The following PLCB1 variants were observed in gnomAD, a reference collection of about 807,000 sequenced individuals.
PLCB1 encodes the protein phospholipase C beta 1, also known as 1-phosphatidylinositol 4,5-bisphosphate phosphodiesterase beta-1.
PLCB1 carries 46 observed loss-of-function variants against 161.8 expected under a neutral mutation model. The observed-to-expected ratio is 0.28, with a 90% CI of 0.22 to 0.36. The LOEUF (loss-of-function observed/expected upper bound fraction) is 0.36. PLCB1 is among the 10% of genes least tolerant of loss of function. The pLI, the probability that PLCB1 is intolerant of heterozygous loss-of-function variation, is 1.00. For synonymous variants in PLCB1, 517 were observed against 503.7 expected (o/e 1.03, Z -0.35); for missense variants, 1,016 against 1,472.5 (o/e 0.69, Z 5.07).
intron 2 of PLCB1, among the ~76,000 whole-genome samples, chr20:8,330,425 C>T (rs1455496039): frequency 6.6e-6 from 1 of 152,172 alleles, no homozygotes; most frequent in Non-Finnish European, 1.5e-5. Context: ...CGTAGAAGAG[C>T]CATGCTGCAT....
intron 3 of PLCB1, among the ~76,000 whole-genome samples, chr20:8,578,539 A>C (rs2123071482): frequency 6.6e-6 from 1 of 152,368 alleles, no homozygotes; most frequent in Non-Finnish European, 1.5e-5. Context: ...AAGAGTAAAC[A>C]TATTAAAGAT....
At chr20:8,652,813 C>T (rs549294531) in intron 7 of PLCB1, 1 of 152,128 alleles carries the variant, frequency 6.6e-6, no homozygotes, top group East Asian at 1.9e-4. Context: ...ATAACATATT[C>T]CTTTAGAAGA....
At chr20:8,852,751 G>C (rs1986932387) in intron 31 of PLCB1, among the ~76,000 whole-genome samples, 1 of 152,176 alleles carries the variant, frequency 6.6e-6, no homozygotes, top group Non-Finnish European at 1.5e-5. Context: ...TTCCCGGTTT[G>C]TAATGTTTAT....
intron 3 of PLCB1, among the ~76,000 whole-genome samples, chr20:8,512,274 T>A (rs1173063031): frequency 6.6e-6 from 1 of 152,190 alleles, no homozygotes; most frequent in East Asian, 1.9e-4. Context: ...TAAACAAGCT[T>A]TAAATAAGGC....
chr20:8,256,243 C>T (rs563868215), intron 2 of PLCB1, among the ~76,000 whole-genome samples: 118 of 152,210 alleles, frequency 7.8e-4, no homozygotes, highest in African/African-American at 2.7e-3. Flanking sequence ...CAACAACAAC[C>T]ATTTACTTAG....
chr20:8,547,162 C>A (rs1000020286), intron 3 of PLCB1, among the ~76,000 whole-genome samples: 10 of 141,230 alleles, frequency 7.1e-5, no homozygotes, highest in South Asian at 2.2e-4. Flanking sequence ...ATAAAGCCAG[C>A]TCATTGTTTC....
chr20:8,213,185 C>T (rs1978925416), intron 2 of PLCB1, among the ~76,000 whole-genome samples: 1 of 152,114 alleles, frequency 6.6e-6, no homozygotes, highest in Non-Finnish European at 1.5e-5. Flanking sequence ...TAAACAAGAG[C>T]ATTATGTTTC....
intron 12 of PLCB1, among the ~76,000 whole-genome samples, chr20:8,715,241 A>G (rs186166331): frequency 2.0e-5 from 3 of 152,218 alleles, no homozygotes; most frequent in Non-Finnish European, 4.4e-5. Context: ...GAGAAAAAAA[A>G]TTATTGCTTT....
intron 2 of PLCB1, among the ~76,000 whole-genome samples, chr20:8,226,160 C>T (rs1435849919): frequency 6.6e-6 from 1 of 152,062 alleles, no homozygotes; most frequent in African/African-American, 2.4e-5. Context: ...ATTCTCACAC[C>T]CCTGTTGATG....
intron 3 of PLCB1, among the ~76,000 whole-genome samples, chr20:8,492,295 A>G (rs1054614673): frequency 6.6e-6 from 1 of 152,186 alleles, no homozygotes; most frequent in Non-Finnish European, 1.5e-5. Flanking sequence ...TCTGACTTGT[A>G]AATAACTTAT....
intron 31 of PLCB1, among the ~76,000 whole-genome samples, chr20:8,828,995 T>C (rs1009778311): frequency 1.5e-4 from 23 of 152,274 alleles, no homozygotes; most frequent in African/African-American, 5.5e-4. Flanking sequence ...TGCCTGTAAC[T>C]TCCTTTGAAA....
intron 2 of PLCB1, among the ~76,000 whole-genome samples, chr20:8,340,355 G>A (rs1985753476): frequency 6.6e-6 from 1 of 152,182 alleles, no homozygotes. Context: ...AGGATTACAT[G>A]CTAAAAATAG....
At chr20:8,579,812 G>A (rs769621839) in intron 3 of PLCB1, among the ~76,000 whole-genome samples, 9 of 152,096 alleles carry the variant, frequency 5.9e-5, no homozygotes, top group Non-Finnish European at 8.8e-5. Flanking sequence ...GGAGCATGCC[G>A]TGCCACAGGG....
At chr20:8,639,309 G>A (rs1167742872) in intron 4 of PLCB1, among the ~76,000 whole-genome samples, 5 of 152,168 alleles carry the variant, frequency 3.3e-5, no homozygotes, top group Admixed American at 3.3e-4. Flanking sequence ...CGGGTTGTCT[G>A]TGATTAGCCA....
chr20:8,474,834 G>A (rs1369705277), intron 3 of PLCB1, among the ~76,000 whole-genome samples: 1 of 152,100 alleles, frequency 6.6e-6, no homozygotes, highest in Admixed American at 6.6e-5. Flanking sequence ...GACCACAATT[G>A]ATGATTTTAT....
intron 2 of PLCB1, among the ~76,000 whole-genome samples, chr20:8,217,750 T>C (rs1352547275): frequency 6.6e-6 from 1 of 152,182 alleles, no homozygotes; most frequent in Admixed American, 6.5e-5. Flanking sequence ...GATTAGGTCA[T>C]GCATGCTCTG....
At chr20:8,222,401 TATG>T (rs1324900868) in intron 2 of PLCB1, among the ~76,000 whole-genome samples, 9 of 152,204 alleles carry the variant, frequency 5.9e-5, no homozygotes, top group African/African-American at 2.2e-4. Context: ...TCAATACGTT[TATG>T]ATATTTGTCA....
At chr20:8,229,134 A>G (rs898023869) in intron 2 of PLCB1, among the ~76,000 whole-genome samples, 1 of 152,154 alleles carries the variant, frequency 6.6e-6, no homozygotes, top group Non-Finnish European at 1.5e-5. Context: ...GAGCACAAGC[A>G]GTATTTATCT....
intron 3 of PLCB1, among the ~76,000 whole-genome samples, chr20:8,426,671 A>G (rs992900928): frequency 6.6e-6 from 1 of 152,170 alleles, no homozygotes; most frequent in African/African-American, 2.4e-5. Context: ...TCTTTGTTAA[A>G]TAAGTAGGTT....
Sources: gnomAD v4.1 joint callset for allele counts (sites outside exome capture counted in the v4.1 genomes callset) on GRCh38, gnomAD v4.1.1 for gene constraint, MANE v1.5 for transcripts, NCBI Gene and HGNC (gene_info 2026-07-23, HGNC 2026-07-21) for gene names.